Variants in EXO1 observed in about 807,000 individuals in gnomAD.
The protein encoded by EXO1 is exonuclease 1.
A neutral mutation model predicts 84.5 loss-of-function variants in EXO1; 69 were observed. The observed-to-expected ratio is 0.82, with a 90% confidence interval of 0.67 to 1.00. EXO1 has a LOEUF of 1.00. EXO1 is among the 50% of genes least tolerant of loss of function. EXO1 has a pLI of 0.00. For missense variants in EXO1, 1,045 were observed against 1,000.7 expected, an observed-to-expected ratio of 1.04 and a Z score of -0.60; for synonymous variants, 373 against 366.1, an observed-to-expected ratio of 1.02 and a Z score of -0.21.
chr1:241,866,904 T>C lies in EXO1; in HGVS notation c.1116T>C (p.His372=), dbSNP rs1661775027. The part of the protein sequence containing the change: ...QKSANVSSIW[H]RNYSPRPESG... ...CAGCTAATGTTAGCAGCATTTGGCA[T>C]AGGAATTACTCTCCCAGACCAGAGT... Residue 372 remains histidine, a synonymous_variant, in exon 11 of 16, where the codon CAT becomes CAC. Coordinates refer to ENST00000366548, the MANE Select transcript of EXO1 (RefSeq NM_130398.4). The C allele has an allele frequency of 1.2e-5, 19 of 1,614,190 alleles. No individual in the cohort carries two copies. Among genetic ancestry groups the C allele is most frequent in the Non-Finnish European group, 1.6e-5 (19 of 1,180,000 alleles).
chr1:241,860,441 T>G (rs562451363), intron 8 of EXO1, 76 bp from the exon 9 acceptor site: 5 of 1,169,706 alleles, frequency 4.3e-6, no homozygotes, highest in Non-Finnish European at 6.4e-6. Flanking sequence ...TTTATGAATG[T>G]AAATCAATCA....
chr1:241,876,707 A>G (rs1271687415), intron 12 of EXO1, among the ~76,000 whole-genome samples: 3 of 152,200 alleles, frequency 2.0e-5, no homozygotes, highest in East Asian at 1.9e-4. Context: ...GATTGCTGCT[A>G]TCTTCTCTAT....
chr1:241,885,857 TG>T (rs61113292), intron 15 of EXO1, among the ~76,000 whole-genome samples: 101,450 of 135,954 alleles, frequency 0.75, 35,781 homozygotes, highest in East Asian at 0.84. Context: ...TTTTGTTTTT[TG>T]TTTTTTGTTT....
At chr1:241,850,836 CTTTTTTTT>C (rs10641736) in intron 4 of EXO1, among the ~76,000 whole-genome samples, 132 of 105,094 alleles carry the variant, frequency 1.3e-3, no homozygotes, top group African/African-American at 4.6e-3. Context: ...CTCCTTTATT[CTTTTTTTT>C]TTTTTTTTTT....
At position 241,857,427 on chromosome 1, in the gene EXO1, T is replaced by C; in HGVS notation, c.488T>C (p.Ile163Thr). The C allele has an allele frequency of 1.2e-6, 2 of 1,614,018 alleles. No individual in the cohort carries two copies. The highest frequency in any genetic ancestry group is 2.2e-5 in the East Asian group (1 of 44,874). ...AQLAYLNKAG[I>T]VQAIITEDSD... ...TTGGCCTATCTTAACAAAGCGGGAA[T>C]TGTGCAAGCCATAATTACAGAGGAC... The change falls in exon 7 of 16, where the codon ATT becomes ACT. Residue 163 changes from isoleucine (I) to threonine (T), a missense_variant. By Grantham distance (89) the Ile-to-Thr change is moderately conservative. Coordinates refer to ENST00000366548, the MANE Select transcript of EXO1 (RefSeq NM_130398.4).
intron 8 of EXO1, among the ~76,000 whole-genome samples, chr1:241,859,071 C>T (rs1438849815): frequency 3.3e-5 from 5 of 152,144 alleles, no homozygotes; most frequent in South Asian, 2.1e-4. Context: ...CCTTTACACT[C>T]CTCAAGCTCC....
Position 241,866,989 on chromosome 1 carries a change from C to T in EXO1, c.1201C>T (p.Arg401Ter), listed in dbSNP as rs764668398. 1.1e-5 allele frequency: 17 copies of T among 1,613,764 alleles called. No individual in the cohort carries two copies. Among genetic ancestry groups the T allele is most frequent in the East Asian group, 4.5e-5 (2 of 44,882 alleles). The change falls in exon 11 of 16, where the codon CGA becomes TGA. Residue 401 changes from arginine to a stop codon, truncating the protein, a stop_gained. Coordinates refer to ENST00000366548, the MANE Select transcript of EXO1 (RefSeq NM_130398.4). LOFTEE classifies it high-confidence loss of function. ...KENPSTVGVE[R>*]VISTKGLNLP... ...AAATCCAAGTACTGTGGGAGTGGAA[C>T]GAGTGATTAGTACTAAAGGGTTAAA...
intron 11 of EXO1, among the ~76,000 whole-genome samples, chr1:241,869,987 T>C (rs1363913433): frequency 6.6e-6 from 1 of 152,142 alleles, no homozygotes; most frequent in Non-Finnish European, 1.5e-5. Context: ...AATTTTTGTA[T>C]TTTTAGTAGA....
chr1:241,875,210 G>A (rs983763988), intron 12 of EXO1, among the ~76,000 whole-genome samples: 2 of 152,110 alleles, frequency 1.3e-5, no homozygotes, highest in African/African-American at 2.4e-5. Flanking sequence ...CACCATTTTG[G>A]CCAGGCTGGT....
At chr1:241,852,504 G>C (rs980043011) in intron 5 of EXO1, 93 bp downstream of exon 5, 21 of 1,178,904 alleles carry the variant, frequency 1.8e-5, no homozygotes, top group Admixed American at 6.8e-5. Context: ...TTTAAGCCAG[G>C]CTCAGTGGCT....
At chr1:241,877,471 C>T (rs1010618943) in intron 12 of EXO1, among the ~76,000 whole-genome samples, 7 of 152,056 alleles carry the variant, frequency 4.6e-5, no homozygotes, top group African/African-American at 1.7e-4. Flanking sequence ...GCTTTTCTTC[C>T]ACGTACTGCT....
intron 3 of EXO1, among the ~76,000 whole-genome samples, chr1:241,850,077 C>G (rs1434101074): frequency 3.3e-5 from 5 of 151,706 alleles, no homozygotes; most frequent in Admixed American, 1.3e-4. Flanking sequence ...TTCAGGAGAT[C>G]GAGACCATCC....
chr1:241,864,866 A>ATTTC (rs1210417007), intron 10 of EXO1, among the ~76,000 whole-genome samples: 3 of 147,500 alleles, frequency 2.0e-5, no homozygotes, highest in East Asian at 4.0e-4. Context: ...AGTATTTATC[A>ATTTC]TTTCTTTCTT....
At chr1:241,860,017 G>A (rs908885492) in intron 8 of EXO1, among the ~76,000 whole-genome samples, 3 of 152,182 alleles carry the variant, frequency 2.0e-5, no homozygotes, top group South Asian at 4.1e-4. Flanking sequence ...TCCAGGATCC[G>A]TTTGGTTCTC....
intron 12 of EXO1, among the ~76,000 whole-genome samples, chr1:241,872,712 A>C (rs565364369): frequency 6.6e-6 from 1 of 152,318 alleles, no homozygotes; most frequent in East Asian, 1.9e-4. Context: ...GCATAGTATT[A>C]CATGGTGTAT....
intron 15 of EXO1, among the ~76,000 whole-genome samples, chr1:241,886,231 A>T (rs991233969): frequency 6.6e-6 from 1 of 152,152 alleles, no homozygotes; most frequent in Non-Finnish European, 1.5e-5. Context: ...AAATGGGGAG[A>T]CTCATTGAGT....
chr1:241,853,131 A>C (rs1037839195), intron 5 of EXO1, among the ~76,000 whole-genome samples: 9 of 150,828 alleles, frequency 6.0e-5, no homozygotes, highest in African/African-American at 2.0e-4. Context: ...GCCTAATGGT[A>C]ATCTTGTGTG....
intron 13 of EXO1, among the ~76,000 whole-genome samples, chr1:241,881,541 G>T (rs1662757028): frequency 6.6e-6 from 1 of 152,174 alleles, no homozygotes; most frequent in Non-Finnish European, 1.5e-5. Flanking sequence ...TTAAAAGAAG[G>T]GATGGAGCTG....
intron 6 of EXO1, among the ~76,000 whole-genome samples, chr1:241,855,048 C>G (rs957532781): frequency 2.6e-5 from 4 of 152,186 alleles, no homozygotes; most frequent in Admixed American, 6.5e-5. Context: ...CAGCGTGGAC[C>G]CAAAGAGTGA....
Sources: gnomAD v4.1 joint callset for allele counts (sites outside exome capture counted in the v4.1 genomes callset) on GRCh38, gnomAD v4.1.1 for gene constraint, MANE v1.5 for transcripts, NCBI Gene and HGNC (gene_info 2026-07-23, HGNC 2026-07-21) for gene names.